FRMD4A: variants seen among roughly 807,000 people sequenced by gnomAD.
FRMD4A encodes FERM domain-containing protein 4A.
In FRMD4A, 29 loss-of-function variants were observed where a neutral mutation model predicts 129.1. That is an observed-to-expected ratio of 0.22 (90% CI 0.17 to 0.31). FRMD4A has a LOEUF of 0.31. Among genes scored for constraint, FRMD4A ranks in the 10% least tolerant of loss-of-function variants. The pLI is 1.00. For missense variants in FRMD4A, 1,272 were observed against 1,375.8 expected, an observed-to-expected ratio of 0.92 and a Z score of 1.19; for synonymous variants, 634 against 571.6, an observed-to-expected ratio of 1.11 and a Z score of -1.56.
chr10:14,088,722 C>T (rs1156731407), intron 2 of FRMD4A, among the ~76,000 whole-genome samples: 1 of 146,562 alleles, frequency 6.8e-6, no homozygotes, highest in African/African-American at 2.5e-5. Flanking sequence ...GGAGGCGGAG[C>T]TTGCCGCGAG....
chr10:14,271,463 T>C lies in FRMD4A; in HGVS notation c.45+58595A>G, dbSNP rs535992639. ...GGGACATGAACCTCACATGCATATC[T>C]TTGGGATGTGTGGGAAAACAGGAGG... On this transcript the variant is annotated intron_variant, in intron 2 of 24. Transcript: ENST00000357447. Among the ~76,000 whole-genome samples, 42 of 152,272 alleles carry C rather than the reference T, an allele frequency of 2.8e-4. No individual in the cohort carries two copies. The South Asian group carries it at 8.1e-3, about 29-fold the overall frequency.
intron 2 of FRMD4A, among the ~76,000 whole-genome samples, chr10:14,069,105 T>C (rs1835199248): frequency 1.3e-5 from 2 of 152,160 alleles, no homozygotes; most frequent in Non-Finnish European, 2.9e-5. Context: ...ATTCACTTTT[T>C]AGGGAAATAT....
intron 2 of FRMD4A, among the ~76,000 whole-genome samples, chr10:14,167,368 C>T (rs1318990610): frequency 6.6e-6 from 1 of 151,680 alleles, no homozygotes; most frequent in Non-Finnish European, 1.5e-5. Flanking sequence ...CCTGTCTCTA[C>T]TAAAAGTGCA....
At chr10:13,705,025 G>C (rs182116608) in intron 13 of FRMD4A, among the ~76,000 whole-genome samples, 41 of 152,312 alleles carry the variant, frequency 2.7e-4, no homozygotes, top group South Asian at 6.2e-4. Flanking sequence ...AGTGAGCTAT[G>C]ATTGCACCAC....
At chr10:14,073,370 T>C (rs901636068) in intron 2 of FRMD4A, among the ~76,000 whole-genome samples, 4 of 152,144 alleles carry the variant, frequency 2.6e-5, no homozygotes, top group African/African-American at 7.2e-5. Context: ...TTCTAGGTCA[T>C]GAAGAATTAG....
At chr10:13,980,709 G>C (rs1295027436) in intron 2 of FRMD4A, among the ~76,000 whole-genome samples, 1 of 152,124 alleles carries the variant, frequency 6.6e-6, no homozygotes, top group Admixed American at 6.6e-5. Context: ...AACAGAGTGA[G>C]ACCCTGTCCG....
intron 2 of FRMD4A, among the ~76,000 whole-genome samples, chr10:14,004,677 T>A (rs915328027): frequency 6.6e-6 from 1 of 152,248 alleles, no homozygotes; most frequent in East Asian, 1.9e-4. Context: ...CGTCCTTGCA[T>A]ACATTTTTGG....
chr10:13,906,829 C>T (rs1393988368), intron 2 of FRMD4A, among the ~76,000 whole-genome samples: 1 of 152,198 alleles, frequency 6.6e-6, no homozygotes, highest in Non-Finnish European at 1.5e-5. Context: ...GTGTGAATAA[C>T]TTAGGAGTGA....
intron 2 of FRMD4A, among the ~76,000 whole-genome samples, chr10:14,219,442 G>A (rs536208066): frequency 6.6e-6 from 1 of 152,254 alleles, no homozygotes; most frequent in South Asian, 2.1e-4. Flanking sequence ...GCATTCTGAT[G>A]CCATCAGAAA....
intron 2 of FRMD4A, among the ~76,000 whole-genome samples, chr10:14,117,754 C>T (rs1352294419): frequency 5.9e-5 from 9 of 152,186 alleles, no homozygotes; most frequent in East Asian, 3.9e-4. Flanking sequence ...GTACCTGTCA[C>T]GTGCTAGGTG....
intron 24 of FRMD4A, chr10:13,649,597 T>TTATACAGAATCTTTCTTAGTGCTTCCAC (rs2081383105): frequency 6.6e-6 from 1 of 152,232 alleles, no homozygotes; most frequent in African/African-American, 2.4e-5. Context: ...TTGCGATGTT[T>TTATACAGAATCTTTCTTAGTGCTTCCAC]TATACAGAAT....
chr10:14,115,202 A>T (rs1838136963), intron 2 of FRMD4A, among the ~76,000 whole-genome samples: 1 of 152,184 alleles, frequency 6.6e-6, no homozygotes, highest in Non-Finnish European at 1.5e-5. Context: ...AGCACACCTC[A>T]TTTCAGAGTC....
At chr10:14,174,268 T>C (rs1227039938) in intron 2 of FRMD4A, among the ~76,000 whole-genome samples, 2 of 151,966 alleles carry the variant, frequency 1.3e-5, no homozygotes, top group African/African-American at 4.8e-5. Flanking sequence ...CCCCTCTCTC[T>C]TTCTCCCTCT....
At chr10:14,147,971 A>G (rs1840159065) in intron 2 of FRMD4A, among the ~76,000 whole-genome samples, 1 of 152,222 alleles carries the variant, frequency 6.6e-6, no homozygotes, top group African/African-American at 2.4e-5. Flanking sequence ...TTATATAAAC[A>G]ATTCCTACCT....
intron 3 of FRMD4A, among the ~76,000 whole-genome samples, chr10:13,829,955 G>A (rs1328710356): frequency 6.6e-6 from 1 of 152,228 alleles, no homozygotes; most frequent in Non-Finnish European, 1.5e-5. Flanking sequence ...CAGTGCAGAA[G>A]ACCTCTGACC....
At chr10:13,719,097 C>G (rs1447653168) in intron 12 of FRMD4A, among the ~76,000 whole-genome samples, 1 of 152,208 alleles carries the variant, frequency 6.6e-6, no homozygotes, top group African/African-American at 2.4e-5. Context: ...CACTTGAGCC[C>G]TCCTCTGTCT....
chr10:13,860,184 C>T (rs1023148392), intron 2 of FRMD4A, among the ~76,000 whole-genome samples: 6 of 152,210 alleles, frequency 3.9e-5, no homozygotes, highest in African/African-American at 1.2e-4. Context: ...CGTCCGATTT[C>T]AAGCCACTGT....
intron 2 of FRMD4A, among the ~76,000 whole-genome samples, chr10:14,306,119 C>A (rs932714469): frequency 2.0e-5 from 3 of 152,058 alleles, no homozygotes; most frequent in Non-Finnish European, 4.4e-5. Context: ...CACATGCACC[C>A]CTGAACTTTT....
intron 2 of FRMD4A, among the ~76,000 whole-genome samples, chr10:13,984,439 A>G (rs1002034233): frequency 1.3e-5 from 2 of 152,366 alleles, no homozygotes; most frequent in East Asian, 3.9e-4. Flanking sequence ...TGTGCCGTTC[A>G]GTGGCATTAA....
Sources: gnomAD v4.1 joint callset for allele counts (sites outside exome capture counted in the v4.1 genomes callset) on GRCh38, gnomAD v4.1.1 for gene constraint, MANE v1.5 for transcripts, NCBI Gene and HGNC (gene_info 2026-07-23, HGNC 2026-07-21) for gene names.